CTDP1: variants seen among roughly 807,000 people sequenced by gnomAD.
The protein encoded by CTDP1 is CTD phosphatase 1, also known as RNA polymerase II subunit A C-terminal domain phosphatase.
In CTDP1, 47 loss-of-function variants were observed where a neutral mutation model predicts 91.8. That is an observed-to-expected ratio of 0.51 (90% CI 0.41 to 0.65). The LOEUF (loss-of-function observed/expected upper bound fraction) is 0.65. Ranked by LOEUF, CTDP1 falls within the 30% of genes least tolerant of loss-of-function variation. CTDP1 has a pLI of 0.00. For missense variants in CTDP1, 1,272 were observed against 1,373.7 expected, an observed-to-expected ratio of 0.93 and a Z score of 1.17; for synonymous variants, 656 against 598.5, an observed-to-expected ratio of 1.10 and a Z score of -1.40.
At chr18:79,712,212 G>A (rs903927118) in intron 6 of CTDP1, among the ~76,000 whole-genome samples, 1 of 152,212 alleles carries the variant, frequency 6.6e-6, no homozygotes, top group Non-Finnish European at 1.5e-5. Flanking sequence ...AGGCCCCAGT[G>A]GTGGGTACTG....
intron 5 of CTDP1, among the ~76,000 whole-genome samples, chr18:79,707,517 C>T (rs779860895): frequency 1.3e-5 from 2 of 152,250 alleles, no homozygotes; most frequent in Non-Finnish European, 1.5e-5. Context: ...CCGTCTGGTG[C>T]CTTCTCCGTT....
chr18:79,736,477 A>T lies in CTDP1; in HGVS notation c.2703A>T (p.Ala901=), dbSNP rs1052496438. Residue 901 remains alanine, a synonymous_variant, in exon 12 of 13, where the codon GCA becomes GCT. Transcript: ENST00000613122. Reference sequence around the variant, plus strand: ...CCCGCAGGGAGCGGACGCTCGGGGCACCTGCGTCCAGCGAGAGGAGCGCGG... The same window carrying T: ...CCCGCAGGGAGCGGACGCTCGGGGCTCCTGCGTCCAGCGAGAGGAGCGCGG... ...PGTRRERTLG[A]PASSERSAAG... The T allele has an allele frequency of 6.5e-7, 1 of 1,548,234 alleles. No homozygotes were observed. Among genetic ancestry groups the T allele is most frequent in the African/African-American group, 1.4e-5 (1 of 72,976 alleles).
At chr18:79,722,574 G>A (rs1389123860) in intron 10 of CTDP1, among the ~76,000 whole-genome samples, 1 of 152,232 alleles carries the variant, frequency 6.6e-6, no homozygotes, top group Non-Finnish European at 1.5e-5. Flanking sequence ...TGTTGTGGCT[G>A]CAGCAGCGGG....
chr18:79,748,747 G>C (rs1381918367), intron 12 of CTDP1, among the ~76,000 whole-genome samples: 1 of 152,344 alleles, frequency 6.6e-6, no homozygotes, highest in East Asian at 1.9e-4. Context: ...CAGCGACAGA[G>C]TCATGATCAG....
chr18:79,744,583 G>A (rs1042286747), intron 12 of CTDP1, among the ~76,000 whole-genome samples: 6 of 152,210 alleles, frequency 3.9e-5, no homozygotes, highest in African/African-American at 1.4e-4. Context: ...AGAGAAGACT[G>A]AATTTAAACA....
At chr18:79,736,648 C>T in intron 12 of CTDP1, 127 bp downstream of exon 12, 1 of 994,012 alleles carries the variant, frequency 1.0e-6, no homozygotes, top group Non-Finnish European at 1.4e-6. Flanking sequence ...ACACCAGCAG[C>T]TTCCAAACTC....
chr18:79,756,054 G>GC (rs1248489794), downstream of CTDP1: 2 of 152,574 alleles, frequency 1.3e-5, no homozygotes, highest in Non-Finnish European at 2.9e-5. Flanking sequence ...CAGCGGGATT[G>GC]CCCCAGGCTC....
At position 79,713,812 on chromosome 18, in the gene CTDP1, G is replaced by T. The variant is rs545324719; in HGVS notation, c.1030+674G>T. Among the ~76,000 whole-genome samples the T allele has an allele frequency of 3.3e-5, 5 of 152,292 alleles. No homozygotes were observed. Among genetic ancestry groups the T allele is most frequent in the African/African-American group, 1.2e-4 (5 of 41,572 alleles). On this transcript the variant is annotated intron_variant, in intron 7 of 12. Transcript: ENST00000613122. The surrounding 1 kb of genome is among the most constrained non-coding windows in gnomAD (Gnocchi z 4.7). ...GCTGACTTCCTCCAGACCGTGGCTT[G>T]GGAAACCGTGGCCATGGTGGTGCCA...
chr18:79,714,972 G>T lies in CTDP1; in HGVS notation c.1512G>T (p.Glu504Asp), dbSNP rs113488358. The T allele has an allele frequency of 1.7e-5, 26 of 1,568,906 alleles. No homozygotes were observed. The Admixed American group carries it at 4.8e-4, about 29-fold the overall frequency. The part of the protein sequence containing the change: ...AGALAQGSSL[E>D]PGRPAAPSLP... The stretch of plus-strand genomic sequence containing the variant: ...CGCTGGCACAGGGCAGTTCCCTGGA[G>T]CCGGGGCGGCCTGCAGCACCGAGTC... The change falls in exon 8 of 13, where the codon GAG becomes GAT. Residue 504 changes from glutamate to aspartate, a missense_variant. Glu to Asp is a conservative substitution (Grantham distance 45). Coordinates refer to ENST00000613122, the MANE Select transcript of CTDP1 (RefSeq NM_004715.5).
Position 79,679,931 on chromosome 18 carries a change from C to T in CTDP1, c.-17C>T, listed in dbSNP as rs1369605607. The T allele has an allele frequency of 2.9e-6, 4 of 1,380,788 alleles. No homozygotes were observed. Among genetic ancestry groups the T allele is most frequent in the Non-Finnish European group, 3.8e-6 (4 of 1,062,896 alleles). The allele number at this position is 1,380,788 out of a possible 1,614,324, so 85.5% of individuals were successfully genotyped here. ...GCGCAGGCCCCGTACCGACCGCCCG[C>T]CCGCCCTCTGTCCGCGATGGAGGTG... On this transcript the variant is annotated 5_prime_UTR_variant, in exon 1 of 13. Coordinates refer to ENST00000613122, the MANE Select transcript of CTDP1 (RefSeq NM_004715.5).
intron 6 of CTDP1, among the ~76,000 whole-genome samples, chr18:79,710,677 C>T (rs2086062519): frequency 6.7e-6 from 1 of 148,334 alleles, no homozygotes; most frequent in Non-Finnish European, 1.5e-5. Flanking sequence ...CCCACCACCT[C>T]GCCCGGCAAT....
In CTDP1 at chr18:79,747,732, A is replaced by C. The variant is rs919245366; in HGVS notation, c.2748-5920A>C. 6.2e-4 allele frequency among the ~76,000 whole-genome samples: 95 copies of C among 152,258 alleles called. 1 individual carries two copies. The highest frequency in any genetic ancestry group is 2.2e-3 in the African/African-American group (90 of 41,540). ...TGCGTGCAGACCTGGCCACGCCGGC[A>C]CGGGTTTTTTAGTGACGTGGCGGCC... On this transcript the variant is annotated intron_variant, in intron 12 of 12. Transcript: ENST00000613122.
upstream of CTDP1, among the ~76,000 whole-genome samples, chr18:79,676,880 G>A (rs2085263256): frequency 6.6e-6 from 1 of 152,116 alleles, no homozygotes; most frequent in Non-Finnish European, 1.5e-5. Context: ...TTAACAAAAG[G>A]TGGCACACCT....
intron 12 of CTDP1, among the ~76,000 whole-genome samples, chr18:79,745,263 G>A (rs985814612): frequency 5.2e-5 from 7 of 134,558 alleles, no homozygotes; most frequent in African/African-American, 2.0e-4. Flanking sequence ...TTCTGTCCCT[G>A]CGTCCCTCCC....
At chr18:79,715,773 A>G (rs567183998) in intron 8 of CTDP1, among the ~76,000 whole-genome samples, 2 of 152,204 alleles carry the variant, frequency 1.3e-5, no homozygotes, top group East Asian at 1.9e-4. Flanking sequence ...AGAAAGTTCA[A>G]CCTTCTCCCT....
upstream of CTDP1, chr18:79,679,653 T>C (rs751378163): frequency 2.3e-4 from 116 of 502,908 alleles, 1 homozygote; most frequent in African/African-American, 2.0e-3. Flanking sequence ...CGAGGAAAAG[T>C]AGGTAGGGCT....
At chr18:79,729,216 A>G in intron 11 of CTDP1, 147 bp downstream of exon 11, 1 of 1,052,536 alleles carries the variant, frequency 9.5e-7, no homozygotes, top group Middle Eastern at 3.2e-4. Context: ...TGGGACGAGC[A>G]CTTGTGTTTT....
At position 79,736,511 on chromosome 18, in the gene CTDP1, C is replaced by T. The variant is rs1012549143; in HGVS notation, c.2737C>T (p.Arg913Trp). Residue 913 changes from arginine (R) to tryptophan (W), a missense_variant, in exon 12 of 13, where the codon CGG becomes TGG. Around this residue, in one of 3 missense-constraint regions of CTDP1, gnomAD observed 881 missense variants for 911.6 expected, o/e 0.97. Coordinates refer to ENST00000613122, the MANE Select transcript of CTDP1 (RefSeq NM_004715.5). ...CAGCGAGAGGAGCGCGGCAGGGGGC[C>T]GGGGGCCCAGGTGAGTGCGGGGTCT... ...ASSERSAAGG[R>W]GPRGHKRKLN... 20 of 1,544,554 alleles carry T rather than the reference C, an allele frequency of 1.3e-5. No individual in the cohort carries two copies. Among genetic ancestry groups the T allele is most frequent in the Admixed American group, 3.9e-5 (2 of 50,756 alleles).
At chr18:79,679,531 C>T (rs907347233), upstream of CTDP1, 5 of 459,542 alleles carry the variant, frequency 1.1e-5, no homozygotes, top group Admixed American at 4.7e-5. Flanking sequence ...TCCCGCCATG[C>T]TCTGTCCGCG....
Sources: allele counts gnomAD v4.1 joint callset (sites outside exome capture counted in the v4.1 genomes callset), GRCh38; gene constraint gnomAD v4.1.1; regional missense constraint gnomAD v4.1.1; non-coding constraint Gnocchi (gnomAD v3.1); transcripts MANE v1.5; gene names NCBI Gene and HGNC (gene_info 2026-07-23, HGNC 2026-07-21).